The following PLAGL1 variants were observed in gnomAD, a reference collection of about 807,000 sequenced individuals.
PLAGL1 encodes the protein zinc finger protein PLAGL1.
In PLAGL1, 1 loss-of-function variant was observed where a neutral mutation model predicts 4.6. That is an observed-to-expected ratio of 0.22 (90% CI 0.08 to 1.03). The LOEUF (loss-of-function observed/expected upper bound fraction) is 1.03, where lower values mean the gene tolerates loss of function less well. Ranked by LOEUF, PLAGL1 falls within the 50% of genes least tolerant of loss-of-function variation. PLAGL1 has a pLI of 0.58. For synonymous variants in PLAGL1, 240 were observed against 237.8 expected (o/e 1.01, Z -0.08); for missense variants, 464 against 570.4 (o/e 0.81, Z 1.90).
chr6:144,057,169 T>A (rs1441313194), intron 1 of PLAGL1, among the ~76,000 whole-genome samples: 1 of 152,240 alleles, frequency 6.6e-6, no homozygotes, highest in African/African-American at 2.4e-5. Context: ...GTTAAGAGTA[T>A]GTATAGTTTT....
intron 1 of PLAGL1, among the ~76,000 whole-genome samples, chr6:144,051,738 T>A: frequency 6.6e-6 from 1 of 152,230 alleles, no homozygotes; most frequent in East Asian, 1.9e-4. Context: ...ATGTCTTACA[T>A]GAATGGTGGC....
intron 7 of PLAGL1, among the ~76,000 whole-genome samples, chr6:143,943,200 T>C (rs1312803215): frequency 6.6e-6 from 1 of 151,926 alleles, no homozygotes; most frequent in Non-Finnish European, 1.5e-5. Context: ...TTTTAATGTA[T>C]ACAGATTTCT....
rs569256719 is a variant in PLAGL1 at position 143,961,904 on chromosome 6, G to A, written c.-398-1362C>T. ...AAAGGGTGCACATAACGTGAGGTAC[G>A]CAAACCAGGCAGTGAAGTAGCTTAG... On this transcript the variant is annotated intron_variant, in intron 5 of 7. Transcript: ENST00000674357. The surrounding 1 kb of genome is among the most constrained non-coding windows in gnomAD (Gnocchi z 6.5). Among the ~76,000 whole-genome samples the A allele has an allele frequency of 2.0e-5, 3 of 152,310 alleles. No homozygotes were observed. The highest frequency in any genetic ancestry group is 4.1e-4 in the South Asian group (2 of 4,824).
At position 143,982,766 on chromosome 6, in the gene PLAGL1, G is replaced by A. The variant is rs1045751204; in HGVS notation, c.-544+2369C>T. 4.6e-5 allele frequency among the ~76,000 whole-genome samples: 7 copies of A among 152,262 alleles called. No individual in the cohort carries two copies. The highest frequency in any genetic ancestry group is 1.7e-4 in the African/African-American group (7 of 41,550). On this transcript the variant is annotated intron_variant, in intron 2 of 7. Coordinates refer to ENST00000674357, the MANE Select transcript of PLAGL1 (RefSeq NM_001317162.2). This position sits in a 1 kb window ranked among gnomAD's most constrained non-coding sequence, Gnocchi z 5.3. ...AATGAGGATGCTGCAAAGGCACCTG[G>A]CCTGTGCAACTGGAAGAAGAGTCTT... is the stretch of plus-strand genomic sequence containing the variant.
At position 143,954,921 on chromosome 6, in the gene PLAGL1, A is replaced by G. The variant is rs986544506; in HGVS notation, c.-325+5548T>C. Among the ~76,000 whole-genome samples the G allele has an allele frequency of 6.6e-6, 1 of 152,232 alleles. No homozygotes were observed. Among genetic ancestry groups the G allele is most frequent in the Non-Finnish European group, 1.5e-5 (1 of 68,044 alleles). ...TTTCTAAATATCCACAAACAGAAAT[A>G]TAGTTTAAATACCATCATATTAGCC... is the stretch of plus-strand genomic sequence containing the variant. On this transcript the variant is annotated intron_variant, in intron 6 of 7. Coordinates refer to ENST00000674357, the MANE Select transcript of PLAGL1 (RefSeq NM_001317162.2). This position sits in a 1 kb window ranked among gnomAD's most constrained non-coding sequence, Gnocchi z 5.1.
At chr6:143,956,144 A>G (rs1046907366) in intron 6 of PLAGL1, among the ~76,000 whole-genome samples, 3 of 152,190 alleles carry the variant, frequency 2.0e-5, no homozygotes, top group Non-Finnish European at 4.4e-5. Flanking sequence ...TGAGCTTTCC[A>G]TGGGTGGCCT....
At position 143,954,348 on chromosome 6, in the gene PLAGL1, A is replaced by G. The variant is rs1781674910; in HGVS notation, c.-324-5888T>C. On this transcript the variant is annotated intron_variant, in intron 6 of 7. Coordinates refer to ENST00000674357, the MANE Select transcript of PLAGL1 (RefSeq NM_001317162.2). The surrounding 1 kb of genome is among the most constrained non-coding windows in gnomAD (Gnocchi z 5.1). Reference sequence around the variant, plus strand: ...CAAAAATAATAATCATTAATATCCTAGAGAGAACAGAGGTCCTTAAAAGAA... The same window carrying G: ...CAAAAATAATAATCATTAATATCCTGGAGAGAACAGAGGTCCTTAAAAGAA... 1.3e-5 allele frequency among the ~76,000 whole-genome samples: 2 copies of G among 152,214 alleles called. No homozygotes were observed. The highest frequency in any genetic ancestry group is 4.8e-5 in the African/African-American group (2 of 41,452).
upstream of PLAGL1, chr6:144,008,693 G>A (rs1341577996): frequency 6.6e-6 from 1 of 152,318 alleles, no homozygotes; most frequent in East Asian, 1.9e-4. This position sits in a 1 kb window ranked among gnomAD's most constrained non-coding sequence, Gnocchi z 6.9. Flanking sequence ...CATGAGAAAC[G>A]CGACAGATGC....
At chr6:143,977,470 C>CTTTTTTTT (rs34750629) in intron 2 of PLAGL1, among the ~76,000 whole-genome samples, 53 of 69,276 alleles carry the variant, frequency 7.7e-4, no homozygotes, top group East Asian at 8.9e-4. Context: ...TCTTCTTCTT[C>CTTTTTTTT]TTTTTTTTTT....
chr6:144,051,981 C>T (rs923655505), intron 1 of PLAGL1, among the ~76,000 whole-genome samples: 1 of 152,186 alleles, frequency 6.6e-6, no homozygotes, highest in African/African-American at 2.4e-5. Context: ...ACAGTTTAAT[C>T]TAACAATATT....
chr6:143,988,227 A>C (rs1789644089), intron 1 of PLAGL1, among the ~76,000 whole-genome samples: 1 of 152,258 alleles, frequency 6.6e-6, no homozygotes, highest in Non-Finnish European at 1.5e-5. Context: ...AACATCCTAC[A>C]AGATTAACTA....
chr6:143,945,814 C>G lies in PLAGL1; in HGVS notation c.152+2171G>C, dbSNP rs1779643746. Among the ~76,000 whole-genome samples, 1 of 152,076 alleles carries G rather than the reference C, an allele frequency of 6.6e-6. No individual in the cohort carries two copies. Among genetic ancestry groups the G allele is most frequent in the South Asian group, 2.1e-4 (1 of 4,828 alleles). On this transcript the variant is annotated intron_variant, in intron 7 of 7. Coordinates refer to ENST00000674357, the MANE Select transcript of PLAGL1 (RefSeq NM_001317162.2). The surrounding 1 kb of genome is among the most constrained non-coding windows in gnomAD (Gnocchi z 4.2). ...CCTGCCATCTCACACTCTTCCAGTCCTTTACTATATCACTGCTTCAGGCAA... is the reference window on the plus strand; with the variant it reads ...CCTGCCATCTCACACTCTTCCAGTCGTTTACTATATCACTGCTTCAGGCAA...
At chr6:143,974,181 G>A (rs1785983900) in intron 2 of PLAGL1, among the ~76,000 whole-genome samples, 1 of 152,160 alleles carries the variant, frequency 6.6e-6, no homozygotes, top group Non-Finnish European at 1.5e-5. Flanking sequence ...CACCTTCATG[G>A]AACCCTATAA....
rs1269610752 is a variant in PLAGL1 at position 143,990,742 on chromosome 6, C to A, written c.-583-5568G>T. Among the ~76,000 whole-genome samples, 1 of 152,228 alleles carries A rather than the reference C, an allele frequency of 6.6e-6. No individual in the cohort carries two copies. Among genetic ancestry groups the A allele is most frequent in the African/African-American group, 2.4e-5 (1 of 41,456 alleles). On this transcript the variant is annotated intron_variant, in intron 1 of 7. Coordinates refer to ENST00000674357, the MANE Select transcript of PLAGL1 (RefSeq NM_001317162.2). This position sits in a 1 kb window ranked among gnomAD's most constrained non-coding sequence, Gnocchi z 5.4. Reference sequence around the variant, plus strand: ...GCAAGAGCCCAGAGCTGCCCCAAGGCACTCTTTTCAGGATATTAAAGACTT... The same window carrying A: ...GCAAGAGCCCAGAGCTGCCCCAAGGAACTCTTTTCAGGATATTAAAGACTT...
rs1794253984 is a variant in PLAGL1 at position 144,006,616 on chromosome 6, G to T, written c.-584+1474C>A. The T allele has an allele frequency of 6.6e-6, 1 of 150,526 alleles. No homozygotes were observed. 9.3% of individuals were successfully genotyped at this position (150,526 alleles called of 1,614,324 possible). ...TTCAACACTGAAAGGCATTTGTGTT[G>T]AAACACAAAAATACTTCATTGGCCA... On this transcript the variant is annotated intron_variant, in intron 1 of 7. Coordinates refer to ENST00000674357, the MANE Select transcript of PLAGL1 (RefSeq NM_001317162.2). This position sits in a 1 kb window ranked among gnomAD's most constrained non-coding sequence, Gnocchi z 4.3.
chr6:144,019,152 C>A (rs910484559), intron 1 of PLAGL1, among the ~76,000 whole-genome samples: 4 of 152,090 alleles, frequency 2.6e-5, no homozygotes, highest in Non-Finnish European at 4.4e-5. Context: ...TGCAATACTT[C>A]ATTCTAAAGT....
Position 143,963,067 on chromosome 6 carries a change from C to T in PLAGL1, c.-399+1720G>A, listed in dbSNP as rs1783694133. 6.6e-6 allele frequency among the ~76,000 whole-genome samples: 1 copy of T among 152,070 alleles called. No individual in the cohort carries two copies. Among genetic ancestry groups the T allele is most frequent in the South Asian group, 2.1e-4 (1 of 4,828 alleles). Reference sequence around the variant, plus strand: ...AGCCTGAGTGGGATATTCAGATTCACCTCCAGGCAATGATGTCATTTTAAA... The same window carrying T: ...AGCCTGAGTGGGATATTCAGATTCATCTCCAGGCAATGATGTCATTTTAAA... On this transcript the variant is annotated intron_variant, in intron 5 of 7. Transcript: ENST00000674357. This position sits in a 1 kb window ranked among gnomAD's most constrained non-coding sequence, Gnocchi z 6.1.
chr6:144,062,043 T>G (rs1799451174), intron 1 of PLAGL1, among the ~76,000 whole-genome samples: 1 of 152,180 alleles, frequency 6.6e-6, no homozygotes, highest in Non-Finnish European at 1.5e-5. Flanking sequence ...GCTGAGACTT[T>G]TATGAAGATG....
chr6:144,019,720 T>C (rs190729869), intron 1 of PLAGL1, among the ~76,000 whole-genome samples: 49 of 149,934 alleles, frequency 3.3e-4, no homozygotes, highest in African/African-American at 1.1e-3. Flanking sequence ...AGTGGGGGGG[T>C]AGGGGAGCAC....
Sources: gnomAD v4.1 joint callset for allele counts (sites outside exome capture counted in the v4.1 genomes callset) on GRCh38, gnomAD v4.1.1 for gene constraint, Gnocchi (gnomAD v3.1) non-coding constraint, MANE v1.5 for transcripts, NCBI Gene and HGNC (gene_info 2026-07-23, HGNC 2026-07-21) for gene names.